Variants in HYCC1 observed in about 807,000 individuals in gnomAD.
HYCC1 encodes hyccin.
chr7:22,941,424 G>A, the HYCC1 span: 6 of 151,998 alleles, frequency 3.9e-5, no homozygotes, highest in Admixed American at 6.6e-5. Flanking sequence ...AGCCAAAGTC[G>A]TCGTTTATTC....
chr7:22,897,099 G>A, the HYCC1 span, among the ~76,000 whole-genome samples: 2 of 152,168 alleles, frequency 1.3e-5, no homozygotes, highest in Admixed American at 6.5e-5. Flanking sequence ...TCTGAGCAGA[G>A]ACCAAATAAG....
At chr7:22,958,863 AAAAG>A in the HYCC1 span, among the ~76,000 whole-genome samples, 1 of 152,170 alleles carries the variant, frequency 6.6e-6, no homozygotes, top group African/African-American at 2.4e-5. Flanking sequence ...AGGAAAGTGG[AAAAG>A]AAATTAAAAT....
At chr7:22,995,366 C>A in the HYCC1 span, among the ~76,000 whole-genome samples, 1 of 151,956 alleles carries the variant, frequency 6.6e-6, no homozygotes, top group East Asian at 1.9e-4. Context: ...TTTTTTCTTA[C>A]CTGAAGTCTA....
At chr7:22,950,704 A>T in the HYCC1 span, among the ~76,000 whole-genome samples, 1 of 151,998 alleles carries the variant, frequency 6.6e-6, no homozygotes, top group Non-Finnish European at 1.5e-5. Flanking sequence ...GATCATTTTT[A>T]AAATCTATTT....
the HYCC1 span, chr7:23,013,807 G>T: frequency 7.8e-6 from 3 of 384,952 alleles, no homozygotes; most frequent in South Asian, 5.4e-5. Flanking sequence ...GCGGCCCCAG[G>T]GACAAAGTCC....
At chr7:23,004,668 A>G in the HYCC1 span, among the ~76,000 whole-genome samples, 1 of 152,182 alleles carries the variant, frequency 6.6e-6, no homozygotes, top group Non-Finnish European at 1.5e-5. Context: ...AAATAACAGC[A>G]ATTGTTAAAA....
chr7:22,937,517 G>T, the HYCC1 span: 1 of 152,118 alleles, frequency 6.6e-6, no homozygotes, highest in African/African-American at 2.4e-5. Flanking sequence ...TTTTATGCAG[G>T]CATGCTTAAA....
chr7:22,940,249 T>TG, the HYCC1 span: 1 of 129,312 alleles, frequency 7.7e-6, no homozygotes, highest in African/African-American at 3.2e-5. Context: ...TTTTTTTTTT[T>TG]TTTTTTTTTT....
chr7:22,913,944 C>G, the HYCC1 span, among the ~76,000 whole-genome samples: 1 of 152,194 alleles, frequency 6.6e-6, no homozygotes, highest in Non-Finnish European at 1.5e-5. Flanking sequence ...ACAACCAGCC[C>G]AAGGAACATC....
At chr7:22,946,026 T>C in the HYCC1 span, 4 of 1,613,796 alleles carry the variant, frequency 2.5e-6, no homozygotes, top group Non-Finnish European at 3.4e-6. Context: ...TTCTTTCCTA[T>C]ACTTGGCTTG....
At chr7:22,949,397 C>G in the HYCC1 span, among the ~76,000 whole-genome samples, 1 of 152,056 alleles carries the variant, frequency 6.6e-6, no homozygotes, top group South Asian at 2.1e-4. Context: ...AATACTAACT[C>G]TAACTCTTCA....
At chr7:22,925,856 G>A in the HYCC1 span, among the ~76,000 whole-genome samples, 1 of 152,112 alleles carries the variant, frequency 6.6e-6, no homozygotes, top group South Asian at 2.1e-4. Flanking sequence ...TCCTCGAGAA[G>A]AACAACTCCA....
the HYCC1 span, among the ~76,000 whole-genome samples, chr7:22,988,343 C>T: frequency 1.6e-3 from 243 of 152,230 alleles, no homozygotes; most frequent in Non-Finnish European, 2.9e-3. Context: ...TCCTGCAGGC[C>T]ATGATTCACT....
the HYCC1 span, among the ~76,000 whole-genome samples, chr7:22,961,859 G>A: frequency 6.6e-6 from 1 of 151,612 alleles, no homozygotes; most frequent in African/African-American, 2.4e-5. Flanking sequence ...GTCTGTGCAT[G>A]TGTGTGTGTG....
At chr7:22,956,989 A>G in the HYCC1 span, among the ~76,000 whole-genome samples, 1 of 151,928 alleles carries the variant, frequency 6.6e-6, no homozygotes, top group African/African-American at 2.4e-5. Flanking sequence ...TAACCTTAAG[A>G]AAAAAATGGC....
At chr7:22,981,851 CAT>C in the HYCC1 span, among the ~76,000 whole-genome samples, 6 of 152,292 alleles carry the variant, frequency 3.9e-5, no homozygotes, top group Non-Finnish European at 7.4e-5. Context: ...TTCAGATACA[CAT>C]ATTTGTCTGT....
At chr7:22,969,344 C>T in the HYCC1 span, among the ~76,000 whole-genome samples, 4 of 150,998 alleles carry the variant, frequency 2.6e-5, no homozygotes, top group African/African-American at 7.3e-5. Context: ...GTGTGTATTC[C>T]TATTAGAGAC....
the HYCC1 span, among the ~76,000 whole-genome samples, chr7:22,957,690 T>C: frequency 0.015 from 2,334 of 151,978 alleles, 33 homozygotes; most frequent in Non-Finnish European, 0.025. Flanking sequence ...TGTCCTACTG[T>C]GAGGGTTGGT....
At chr7:22,927,432 T>G in the HYCC1 span, among the ~76,000 whole-genome samples, 1 of 151,972 alleles carries the variant, frequency 6.6e-6, no homozygotes, top group East Asian at 1.9e-4. Flanking sequence ...ATTGATAGAC[T>G]GCTAGCAAGA....
Sources: allele counts gnomAD v4.1 joint callset (sites outside exome capture counted in the v4.1 genomes callset), GRCh38; gene constraint gnomAD v4.1.1; transcripts MANE v1.5; gene names NCBI Gene and HGNC (gene_info 2026-07-23, HGNC 2026-07-21).